The following KCNQ5 variants were observed in gnomAD, a reference collection of about 807,000 sequenced individuals.
KCNQ5 encodes the protein potassium voltage-gated channel subfamily Q member 5, also known as potassium voltage-gated channel subfamily KQT member 5.
A neutral mutation model predicts 98.2 loss-of-function variants in KCNQ5; 30 were observed. That is an observed-to-expected ratio of 0.31 (90% CI 0.23 to 0.41). The LOEUF is 0.41. KCNQ5 is among the 10% of genes least tolerant of loss of function. The probability of loss-of-function intolerance (pLI) is 1.00; values close to 1 mark genes in which losing one functional copy is unlikely to be tolerated. For synonymous variants in KCNQ5, 458 were observed against 449.4 expected (o/e 1.02, Z -0.24); for missense variants, 835 against 1,182.5 (o/e 0.71, Z 4.31).
intron 1 of KCNQ5, among the ~76,000 whole-genome samples, chr6:72,716,019 A>G (rs1422190436): frequency 6.6e-6 from 1 of 152,110 alleles, no homozygotes; most frequent in African/African-American, 2.4e-5. Context: ...CCTCTTCCAC[A>G]ATTTGCCTTT....
chr6:73,067,896 ATATATATAT>A (rs1554204079), intron 3 of KCNQ5, among the ~76,000 whole-genome samples: 87 of 622 alleles, frequency 0.14, no homozygotes, highest in African/African-American at 0.15. Context: ...ATATATATAT[ATATATATAT>A]AACTAAAATT....
At chr6:73,004,759 A>G (rs1331693986) in intron 2 of KCNQ5, among the ~76,000 whole-genome samples, 1 of 152,202 alleles carries the variant, frequency 6.6e-6, no homozygotes, top group African/African-American at 2.4e-5. Context: ...GTCCAAAATT[A>G]TCAGATTTGA....
At chr6:72,876,824 AGAATTAG>A (rs1289313707) in intron 1 of KCNQ5, among the ~76,000 whole-genome samples, 8 of 152,212 alleles carry the variant, frequency 5.3e-5, no homozygotes, top group African/African-American at 1.9e-4. Context: ...TACAGAGTAC[AGAATTAG>A]GACCTTGGTA....
intron 1 of KCNQ5, among the ~76,000 whole-genome samples, chr6:72,752,507 G>A (rs1771734755): frequency 6.6e-6 from 1 of 152,030 alleles, no homozygotes; most frequent in Admixed American, 6.6e-5. Context: ...GAAAAGCAGG[G>A]TCCTAAAGAA....
chr6:73,079,174 C>T (rs1488163728), intron 5 of KCNQ5, among the ~76,000 whole-genome samples: 1 of 152,116 alleles, frequency 6.6e-6, no homozygotes. Flanking sequence ...TGGTGGCACA[C>T]TCCTGTAGTT....
In KCNQ5 at chr6:73,025,623, C is replaced by CAAAAAAAAAAAAAAAA. The variant is rs58607159; in HGVS notation, c.490-16292_490-16277dup. Among the ~76,000 whole-genome samples the CAAAAAAAAAAAAAAAA allele has an allele frequency of 1.5e-3, 80 of 52,986 alleles. 1 individual carries two copies. The highest frequency in any genetic ancestry group is 3.3e-3 in the Non-Finnish European group (59 of 18,146). The allele number at this position is 52,986 out of a possible 152,430, so 34.8% of individuals were successfully genotyped here. On this transcript the variant is annotated intron_variant, in intron 2 of 13. Transcript: ENST00000370398. ...GGGCGACAAGAGCAAAACTCCATCT[C>CAAAAAAAAAAAAAAAA]AAAAAAAAAAAAAAAAAAAAAAAAA...
intron 6 of KCNQ5, among the ~76,000 whole-genome samples, chr6:73,106,664 C>T (rs1221682336): frequency 6.6e-6 from 1 of 152,150 alleles, no homozygotes; most frequent in Non-Finnish European, 1.5e-5. Flanking sequence ...CTCGTTTTAA[C>T]TTGATTACCT....
chr6:73,124,936 GATATATATATATATAT>G (rs1180218889), intron 9 of KCNQ5, among the ~76,000 whole-genome samples: 4 of 76,278 alleles, frequency 5.2e-5, no homozygotes, highest in Admixed American at 1.5e-4. Flanking sequence ...CTTTTGGAGT[GATATATATATATATAT>G]ATATATATAT....
At chr6:72,745,865 C>T (rs190053533) in intron 1 of KCNQ5, among the ~76,000 whole-genome samples, 2 of 152,224 alleles carry the variant, frequency 1.3e-5, no homozygotes, top group African/African-American at 4.8e-5. Flanking sequence ...TGGTTCCTAG[C>T]AATCCTTGAC....
chr6:73,132,134 C>T (rs929239977), intron 9 of KCNQ5, among the ~76,000 whole-genome samples: 4 of 152,298 alleles, frequency 2.6e-5, no homozygotes, highest in Non-Finnish European at 4.4e-5. Flanking sequence ...TTGCTGTTGG[C>T]ATGCTGCAGT....
Position 73,000,240 on chromosome 6 carries a change from C to T in KCNQ5, c.399-3668C>T, listed in dbSNP as rs566782485. Among the ~76,000 whole-genome samples the T allele has an allele frequency of 1.1e-4, 17 of 152,254 alleles. No individual in the cohort carries two copies. The South Asian group carries it at 2.5e-3, about 22-fold the overall frequency. On this transcript the variant is annotated intron_variant, in intron 1 of 13. Coordinates refer to ENST00000370398, the MANE Select transcript of KCNQ5 (RefSeq NM_019842.4). The stretch of plus-strand genomic sequence containing the variant: ...CCAACATCTGAACACTGTCACCTTA[C>T]GGGGGTCACTCTGTGTCAGTTCAGT...
intron 8 of KCNQ5, among the ~76,000 whole-genome samples, chr6:73,123,810 A>G (rs893978771): frequency 6.6e-5 from 10 of 152,174 alleles, no homozygotes; most frequent in Admixed American, 1.3e-4. Context: ...TATCTAACCT[A>G]AAGCCTTTGA....
At chr6:73,046,611 C>CTATTTTATTTCATTT (rs1771969976) in intron 3 of KCNQ5, among the ~76,000 whole-genome samples, 1 of 128,322 alleles carries the variant, frequency 7.8e-6, no homozygotes, top group African/African-American at 3.0e-5. Context: ...TTATTTTATT[C>CTATTTTATTTCATTT]TATTTTATTT....
At chr6:72,753,190 A>ATTCT (rs1274412037) in intron 1 of KCNQ5, among the ~76,000 whole-genome samples, 1 of 152,110 alleles carries the variant, frequency 6.6e-6, no homozygotes, top group African/African-American at 2.4e-5. Flanking sequence ...GTCACATAAC[A>ATTCT]GGAATCATAC....
intron 1 of KCNQ5, among the ~76,000 whole-genome samples, chr6:72,859,520 C>G (rs1293248658): frequency 1.3e-5 from 2 of 151,998 alleles, no homozygotes; most frequent in African/African-American, 2.4e-5. Context: ...CTATTTTTCT[C>G]AAATTTAACT....
At chr6:72,669,097 T>A (rs1766969294) in intron 1 of KCNQ5, among the ~76,000 whole-genome samples, 1 of 152,108 alleles carries the variant, frequency 6.6e-6, no homozygotes, top group East Asian at 1.9e-4. Flanking sequence ...AAAGTCTTAA[T>A]GCATCAAGCA....
chr6:73,135,404 T>C lies in KCNQ5; in HGVS notation c.1468+1763T>C, dbSNP rs1327508343. On this transcript the variant is annotated intron_variant, in intron 10 of 13. Transcript: ENST00000370398. ...AATAAGAAGGCAATAAAGGATTTTCTTTTTTAAAAAAAAAAAAGCCCTCAG... is the reference window on the plus strand; with the variant it reads ...AATAAGAAGGCAATAAAGGATTTTCCTTTTTAAAAAAAAAAAAGCCCTCAG... 6 of 115,170 alleles carry C rather than the reference T, an allele frequency of 5.2e-5. No individual in the cohort carries two copies. In the East Asian group the frequency reaches 1.9e-3, roughly 36 times the overall value. The allele number at this position is 115,170 out of a possible 1,614,324, so 7.1% of individuals were successfully genotyped here. A position where few individuals can be genotyped will look rare whatever the true frequency, so the allele number is the denominator to read the frequency against.
chr6:73,181,492 T>C (rs1230222854), intron 11 of KCNQ5, among the ~76,000 whole-genome samples: 11 of 152,212 alleles, frequency 7.2e-5, no homozygotes, highest in Admixed American at 7.2e-4. Context: ...GCACTCCCTT[T>C]CTCTTCTAAG....
At chr6:72,905,534 G>A (rs1182883678) in intron 1 of KCNQ5, among the ~76,000 whole-genome samples, 1 of 152,174 alleles carries the variant, frequency 6.6e-6, no homozygotes, top group Non-Finnish European at 1.5e-5. Flanking sequence ...TAGGGCTGAA[G>A]GTTGTTGTTC....
Sources: allele counts gnomAD v4.1 joint callset (sites outside exome capture counted in the v4.1 genomes callset), GRCh38; gene constraint gnomAD v4.1.1; transcripts MANE v1.5; gene names NCBI Gene and HGNC (gene_info 2026-07-23, HGNC 2026-07-21).